The following ATP11A variants were observed in gnomAD, a reference collection of about 807,000 sequenced individuals.
The protein encoded by ATP11A is ATPase phospholipid transporting 11A, also known as phospholipid-transporting ATPase IH.
ATP11A carries 81 observed loss-of-function variants against 154.4 expected under a neutral mutation model. The ratio of observed to expected loss-of-function variants is 0.52; its 90% CI spans 0.44 to 0.63. The LOEUF (loss-of-function observed/expected upper bound fraction) is 0.63, where lower values mean the gene tolerates loss of function less well. Among genes scored for constraint, ATP11A ranks in the 30% least tolerant of loss-of-function variants. ATP11A has a pLI of 0.00. For synonymous variants in ATP11A, 623 were observed against 585.9 expected, an observed-to-expected ratio of 1.06 and a Z score of -0.91; for missense variants, 1,316 against 1,474.3, an observed-to-expected ratio of 0.89 and a Z score of 1.76.
chr13:112,746,848 G>A lies in ATP11A; in HGVS notation c.40-38287G>A, dbSNP rs1161870052. On this transcript the variant is annotated intron_variant, in intron 1 of 29. Coordinates refer to ENST00000375645, the MANE Select transcript of ATP11A (RefSeq NM_015205.3). This position sits in a 1 kb window ranked among gnomAD's most constrained non-coding sequence, Gnocchi z 4.1. The stretch of plus-strand genomic sequence containing the variant: ...GCTGGGATTACAGCTGTGAGCTGCT[G>A]TGCCTGGCCTCATTGTGGTTTTAAT... 2 of 152,078 alleles carry A rather than the reference G, an allele frequency of 1.3e-5. No individual in the cohort carries two copies. 9.4% of individuals were successfully genotyped at this position (152,078 alleles called of 1,614,324 possible).
Position 112,850,793 on chromosome 13 carries a change from A to G in ATP11A, c.1810-244A>G, listed in dbSNP as rs565070732. On this transcript the variant is annotated intron_variant, in intron 17 of 29. Transcript: ENST00000375645. ...TTCTAGTCTGAAAATGCTGTAATCC[A>G]TAATGATTCTTGGTATTTAATGTAG... is the stretch of plus-strand genomic sequence containing the variant. Among the ~76,000 whole-genome samples the G allele has an allele frequency of 3.9e-5, 6 of 152,348 alleles. No homozygotes were observed. In the South Asian group the frequency reaches 6.2e-4, roughly 16 times the overall value.
intron 1 of ATP11A, among the ~76,000 whole-genome samples, chr13:112,761,223 C>T (rs946761842): frequency 1.2e-4 from 18 of 152,254 alleles, no homozygotes; most frequent in African/African-American, 4.3e-4. Flanking sequence ...AGCACAAGAG[C>T]AGTGAGGCAG....
At chr13:112,742,804 T>C (rs1891698945) in intron 1 of ATP11A, among the ~76,000 whole-genome samples, 1 of 152,200 alleles carries the variant, frequency 6.6e-6, no homozygotes, top group South Asian at 2.1e-4. Context: ...CATTTTCCAT[T>C]CTGACCCCTG....
At chr13:112,756,743 A>C (rs1374757482) in intron 1 of ATP11A, among the ~76,000 whole-genome samples, 2 of 152,184 alleles carry the variant, frequency 1.3e-5, no homozygotes, top group African/African-American at 2.4e-5. Flanking sequence ...ACCCCAGGGC[A>C]GCCTGTGTGG....
At chr13:112,813,724 C>T (rs935538614) in intron 5 of ATP11A, among the ~76,000 whole-genome samples, 30 of 151,826 alleles carry the variant, frequency 2.0e-4, no homozygotes, top group Admixed American at 1.3e-3. Flanking sequence ...TTCCCACGCA[C>T]GACGTTGCCA....
intron 1 of ATP11A, among the ~76,000 whole-genome samples, chr13:112,741,797 C>T (rs867445952): frequency 3.3e-5 from 5 of 152,232 alleles, no homozygotes; most frequent in East Asian, 1.9e-4. Context: ...AATGTTTTAC[C>T]GGGTATTTTG....
intron 1 of ATP11A, among the ~76,000 whole-genome samples, chr13:112,784,402 T>C (rs886250153): frequency 6.6e-6 from 1 of 152,192 alleles, no homozygotes; most frequent in African/African-American, 2.4e-5. Flanking sequence ...GCCCCACCTC[T>C]GGAGTCAAGT....
chr13:112,865,344 A>G (rs1483393304), intron 25 of ATP11A, among the ~76,000 whole-genome samples: 1 of 136,002 alleles, frequency 7.4e-6, no homozygotes, highest in Non-Finnish European at 1.7e-5. Flanking sequence ...AGCGGGGTCC[A>G]TCACCACATG....
At chr13:112,768,523 T>C (rs932196255) in intron 1 of ATP11A, among the ~76,000 whole-genome samples, 3 of 152,228 alleles carry the variant, frequency 2.0e-5, no homozygotes, top group African/African-American at 7.2e-5. Context: ...CCTGCAGTTG[T>C]CTTCATTAGA....
At chr13:112,880,046 C>T (rs1012362885) in intron 29 of ATP11A, among the ~76,000 whole-genome samples, 23 of 152,302 alleles carry the variant, frequency 1.5e-4, no homozygotes, top group Admixed American at 1.4e-3. Context: ...ATTCCAAGCC[C>T]GCAGTTCTTC....
Position 112,785,185 on chromosome 13 carries a change from C to T in ATP11A, c.90C>T (p.His30=). ...WVDSRTIYVG[H]REPPPGAEAY... ...ACAGCAGGACCATCTACGTGGGACA[C>T]AGGGAGCCACCTCCGGGCGCAGAGG... The change falls in exon 2 of 30, where the codon CAC becomes CAT. Residue 30 remains histidine, a synonymous_variant. Transcript: ENST00000375645. The surrounding 1 kb of genome is among the most constrained non-coding windows in gnomAD (Gnocchi z 4.8). 6.3e-7 allele frequency: 1 copy of T among 1,579,050 alleles called. No homozygotes were observed.
intron 1 of ATP11A, among the ~76,000 whole-genome samples, chr13:112,783,954 A>T (rs894950773): frequency 9.3e-4 from 142 of 152,298 alleles, no homozygotes; most frequent in African/African-American, 3.2e-3. Flanking sequence ...TCCTGAGCAG[A>T]CACCTAGCAG....
chr13:112,757,064 C>G (rs1181251958), intron 1 of ATP11A, among the ~76,000 whole-genome samples: 1 of 152,266 alleles, frequency 6.6e-6, no homozygotes, highest in Non-Finnish European at 1.5e-5. Context: ...AGATAGCATG[C>G]TAAGTGCTTT....
intron 1 of ATP11A, among the ~76,000 whole-genome samples, chr13:112,700,148 AC>A (rs1886351412): frequency 6.6e-6 from 1 of 152,092 alleles, no homozygotes; most frequent in African/African-American, 2.4e-5. Context: ...TGTGAAAAAA[AC>A]GATTTGATCA....
Position 112,826,871 on chromosome 13 carries a change from C to G in ATP11A, c.1201C>G (p.Leu401Val). 2.5e-6 allele frequency: 4 copies of G among 1,614,168 alleles called. No homozygotes were observed. Among genetic ancestry groups the G allele is most frequent in the Non-Finnish European group, 3.4e-6 (4 of 1,180,036 alleles). Residue 401 changes from leucine to valine, a missense_variant, in exon 12 of 30, where the codon CTC becomes GTC. Physicochemically the swap from Leu to Val is conservative, Grantham distance 32. Coordinates refer to ENST00000375645, the MANE Select transcript of ATP11A (RefSeq NM_015205.3). ...GEGPLVNTSD[L>V]NEELGQVEYI... is the part of the protein sequence containing the mutation. The stretch of plus-strand genomic sequence containing the variant: ...GGGGCCTCTGGTGAACACGTCGGAC[C>G]TCAATGAAGAGCTGGGACAGGTTGG...
chr13:112,812,180 A>T (rs2078520131), intron 5 of ATP11A: 1 of 152,244 alleles, frequency 6.6e-6, no homozygotes, highest in Non-Finnish European at 1.5e-5. Context: ...AGCTTATACT[A>T]GTCATTTGGA....
intron 25 of ATP11A, among the ~76,000 whole-genome samples, chr13:112,867,014 TG>T (rs1181485683): frequency 6.6e-6 from 1 of 151,640 alleles, no homozygotes; most frequent in East Asian, 2.0e-4. Flanking sequence ...GTATCTTTTA[TG>T]AGATTTTCTT....
At chr13:112,740,109 A>C (rs1891381303) in intron 1 of ATP11A, among the ~76,000 whole-genome samples, 6 of 149,470 alleles carry the variant, frequency 4.0e-5, no homozygotes. Context: ...TAAAGGGTGA[A>C]TTTTATAGCA....
chr13:112,776,116 G>A (rs531548833), intron 1 of ATP11A, among the ~76,000 whole-genome samples: 2 of 152,198 alleles, frequency 1.3e-5, no homozygotes, highest in Non-Finnish European at 2.9e-5. Context: ...TGTTCCAGTG[G>A]CTGTCGTTTG....
Sources: gnomAD v4.1 joint callset for allele counts (sites outside exome capture counted in the v4.1 genomes callset) on GRCh38, gnomAD v4.1.1 for gene constraint, Gnocchi (gnomAD v3.1) non-coding constraint, MANE v1.5 for transcripts, NCBI Gene and HGNC (gene_info 2026-07-23, HGNC 2026-07-21) for gene names.